VIT: variants seen among roughly 807,000 people sequenced by gnomAD.
The protein encoded by VIT is vitrin.
VIT carries 99 observed loss-of-function variants against 78.0 expected under a neutral mutation model. The ratio of observed to expected loss-of-function variants is 1.27; its 90% CI spans 1.08 to 1.50. The LOEUF is 1.50. VIT is among the 40% of genes most tolerant of loss of function. The probability of loss-of-function intolerance (pLI) is 0.00; values close to 1 mark genes in which losing one functional copy is unlikely to be tolerated. For missense variants in VIT, 1,126 were observed against 875.3 expected, an observed-to-expected ratio of 1.29 and a Z score of -3.61; for synonymous variants, 374 against 334.3, an observed-to-expected ratio of 1.12 and a Z score of -1.29.
intron 3 of VIT, among the ~76,000 whole-genome samples, chr2:36,737,704 G>T (rs1213568162): frequency 2.0e-5 from 3 of 152,210 alleles, no homozygotes; most frequent in Admixed American, 6.5e-5. Context: ...TAATGCATTG[G>T]ACACTGATGA....
intron 15 of VIT, among the ~76,000 whole-genome samples, chr2:36,811,739 C>A (rs542053372): frequency 2.0e-5 from 3 of 151,718 alleles, no homozygotes; most frequent in Non-Finnish European, 4.4e-5. Context: ...ATGGCACAAC[C>A]TTGGCTCATT....
intron 1 of VIT, among the ~76,000 whole-genome samples, chr2:36,713,297 A>C (rs1437085908): frequency 6.6e-6 from 1 of 152,224 alleles, no homozygotes; most frequent in Non-Finnish European, 1.5e-5. Context: ...AAGGTAGTAC[A>C]ACAAGTGCAG....
rs774923509 is a variant in VIT, at chr2:36,808,979, C to G, written c.1897C>G (p.Leu633Val). 19 of 1,581,734 alleles carry G rather than the reference C, an allele frequency of 1.2e-5. 1 individual carries two copies. In the Admixed American group the frequency reaches 3.1e-4, roughly 26 times the overall value. Residue 633 changes from leucine to valine, a missense_variant, in exon 15 of 16, where the codon CTG (leucine) becomes GTG (valine). Transcript: ENST00000379242. ...CCGGATCCCAGCCATGGCTGCCCAT[C>G]TGAAGGGTAAGCTGGGCTTGCCAAG... ...DVRIPAMAAH[L>V]KGVITYAIGV... is the part of the protein sequence containing the mutation.
chr2:36,792,164 A>G (rs1262646546), intron 12 of VIT, among the ~76,000 whole-genome samples: 1 of 152,060 alleles, frequency 6.6e-6, no homozygotes, highest in Non-Finnish European at 1.5e-5. Flanking sequence ...AGAGCTTGGT[A>G]TTTTAATCTG....
intron 5 of VIT, among the ~76,000 whole-genome samples, chr2:36,755,826 T>G (rs1489952595): frequency 6.6e-6 from 1 of 152,214 alleles, no homozygotes; most frequent in Non-Finnish European, 1.5e-5. Context: ...CATAGATTGT[T>G]TTTAAAAATA....
intron 3 of VIT, among the ~76,000 whole-genome samples, chr2:36,737,565 C>G (rs1214429246): frequency 6.6e-6 from 1 of 152,184 alleles, no homozygotes; most frequent in Non-Finnish European, 1.5e-5. Context: ...ACATAGTTCT[C>G]TCCAATGAGT....
intron 15 of VIT, among the ~76,000 whole-genome samples, chr2:36,810,312 A>C (rs2148686414): frequency 6.6e-6 from 1 of 152,350 alleles, no homozygotes; most frequent in South Asian, 2.1e-4. Flanking sequence ...AAATGTTCAA[A>C]GAGCTATGTC....
chr2:36,751,949 T>G (rs1238495869), intron 4 of VIT, among the ~76,000 whole-genome samples: 1 of 152,166 alleles, frequency 6.6e-6, no homozygotes, highest in African/African-American at 2.4e-5. Context: ...AGGCAGGATT[T>G]AAGATGTAGA....
intron 4 of VIT, among the ~76,000 whole-genome samples, chr2:36,753,812 C>A (rs2148546575): frequency 6.6e-6 from 1 of 152,244 alleles, no homozygotes; most frequent in Non-Finnish European, 1.5e-5. Context: ...GAGGAGTTGG[C>A]TTAGGGAGGT....
chr2:36,716,869 CTTTTTTT>C (rs557873230), intron 2 of VIT, among the ~76,000 whole-genome samples: 1 of 78,696 alleles, frequency 1.3e-5, no homozygotes, highest in Admixed American at 1.6e-4. Flanking sequence ...AGAGATGATT[CTTTTTTT>C]TTTTTTTTTT....
At chr2:36,785,797 C>A (rs1396037958) in intron 11 of VIT, among the ~76,000 whole-genome samples, 2 of 152,230 alleles carry the variant, frequency 1.3e-5, no homozygotes, top group Non-Finnish European at 2.9e-5. Context: ...CCATGCAACA[C>A]TGCAAGATAA....
At chr2:36,743,373 A>G in intron 4 of VIT, 117 bp downstream of exon 4, 1 of 1,113,296 alleles carries the variant, frequency 9.0e-7, no homozygotes. Flanking sequence ...TTAGCTCAAA[A>G]TCTTTATTTA....
chr2:36,753,379 GA>G (rs1234293437), intron 4 of VIT, among the ~76,000 whole-genome samples: 2 of 151,406 alleles, frequency 1.3e-5, no homozygotes, highest in Admixed American at 6.6e-5. Flanking sequence ...AAAAGTTGAA[GA>G]AAAAAAAATT....
At chr2:36,809,577 C>A (rs1252606814) in intron 15 of VIT, among the ~76,000 whole-genome samples, 3 of 152,036 alleles carry the variant, frequency 2.0e-5, no homozygotes, top group Non-Finnish European at 4.4e-5. Context: ...GCCACCACAC[C>A]CGGCTAATTT....
At chr2:36,810,515 A>C (rs760131877) in intron 15 of VIT, among the ~76,000 whole-genome samples, 10 of 152,316 alleles carry the variant, frequency 6.6e-5, no homozygotes, top group South Asian at 2.1e-4. Flanking sequence ...GATAATAATA[A>C]TACTACTACT....
intron 15 of VIT, among the ~76,000 whole-genome samples, chr2:36,813,456 C>G (rs997747945): frequency 2.6e-5 from 4 of 152,078 alleles, no homozygotes; most frequent in African/African-American, 7.2e-5. Context: ...CTCAAACAAA[C>G]AAACAAAAAC....
rs1161695669 is a variant in VIT at position 36,781,783 on chromosome 2, G to A, written c.847+12G>A. 1 of 1,614,096 alleles carries A rather than the reference G, an allele frequency of 6.2e-7. No homozygotes were observed. Among genetic ancestry groups the A allele is most frequent in the Admixed American group, 1.7e-5 (1 of 60,016 alleles). ...CCTTTTAGATGAAGGTAATTATACAGCCCAACCTCTCAGCCACGCGTGGAT... is the reference window on the plus strand; with the variant it reads ...CCTTTTAGATGAAGGTAATTATACAACCCAACCTCTCAGCCACGCGTGGAT... On this transcript the variant is annotated intron_variant, in intron 10 of 15. Transcript: ENST00000379242.
intron 3 of VIT, among the ~76,000 whole-genome samples, chr2:36,733,291 G>A (rs1667313880): frequency 6.6e-6 from 1 of 152,062 alleles, no homozygotes; most frequent in South Asian, 2.1e-4. Context: ...CGGCACCCCT[G>A]CTTCTTCTCT....
chr2:36,716,776 T>C (rs1285019070), intron 2 of VIT, among the ~76,000 whole-genome samples: 1 of 152,180 alleles, frequency 6.6e-6, no homozygotes, highest in Non-Finnish European at 1.5e-5. Flanking sequence ...AGGATCTTCT[T>C]ATTTCTTAAT....
Sources: allele counts gnomAD v4.1 joint callset (sites outside exome capture counted in the v4.1 genomes callset), GRCh38; gene constraint gnomAD v4.1.1; transcripts MANE v1.5; gene names NCBI Gene and HGNC (gene_info 2026-07-23, HGNC 2026-07-21).